CCDC171: variants seen among roughly 807,000 people sequenced by gnomAD.
CCDC171 encodes coiled-coil domain-containing protein 171.
Under a neutral mutation model 168.2 loss-of-function variants are expected in CCDC171, and 177 were observed. The ratio of observed to expected loss-of-function variants is 1.05; its 90% CI spans 0.93 to 1.19. The LOEUF is 1.19. CCDC171 is among the 50% of genes most tolerant of loss of function. CCDC171 has a pLI of 0.00. For missense variants in CCDC171, 1,991 were observed against 1,539.0 expected, an observed-to-expected ratio of 1.29 and a Z score of -4.91; for synonymous variants, 687 against 540.8, an observed-to-expected ratio of 1.27 and a Z score of -3.75.
At chr9:15,622,855 C>T (rs2044612659) in intron 6 of CCDC171, among the ~76,000 whole-genome samples, 1 of 152,014 alleles carries the variant, frequency 6.6e-6, no homozygotes, top group Non-Finnish European at 1.5e-5. Context: ...CTCATGTAAG[C>T]ATTATAAACA....
At chr9:15,800,418 A>C (rs928817219) in intron 21 of CCDC171, among the ~76,000 whole-genome samples, 1 of 152,154 alleles carries the variant, frequency 6.6e-6, no homozygotes, top group Non-Finnish European at 1.5e-5. Context: ...TTCTTTTAAA[A>C]AATGTCAATT....
At chr9:16,042,302 G>T (rs765795780), upstream of CCDC171, among the ~76,000 whole-genome samples, 3 of 152,166 alleles carry the variant, frequency 2.0e-5, no homozygotes, top group Admixed American at 6.5e-5. Context: ...TGGGAATGAG[G>T]CATGAAAGAG....
intron 24 of CCDC171, among the ~76,000 whole-genome samples, chr9:15,894,082 A>G (rs182628814): frequency 6.6e-6 from 1 of 152,336 alleles, no homozygotes; most frequent in African/African-American, 2.4e-5. Context: ...CACACCATGG[A>G]ATACTGTGCA....
At chr9:15,954,622 G>A (rs1829587648) in intron 25 of CCDC171, among the ~76,000 whole-genome samples, 1 of 149,734 alleles carries the variant, frequency 6.7e-6, no homozygotes, top group Admixed American at 6.7e-5. Context: ...TTTTCTTTCT[G>A]TATCTCAGCC....
chr9:15,990,773 A>T (rs549539645), intron 3 of CCDC171, among the ~76,000 whole-genome samples: 7 of 152,356 alleles, frequency 4.6e-5, no homozygotes, highest in Non-Finnish European at 8.8e-5. Context: ...AGGAGTTGCA[A>T]TCCTGGTCTC....
chr9:15,844,162 G>A (rs190895110), intron 21 of CCDC171, among the ~76,000 whole-genome samples: 49 of 152,138 alleles, frequency 3.2e-4, no homozygotes, highest in Admixed American at 2.0e-3. Context: ...GCCTAGAGGC[G>A]CGCCCTCTTG....
At chr9:16,045,640 C>A (rs1833648970) in intron 1 of CCDC171, among the ~76,000 whole-genome samples, 1 of 152,166 alleles carries the variant, frequency 6.6e-6, no homozygotes, top group Non-Finnish European at 1.5e-5. Flanking sequence ...CCATGGTGAG[C>A]CCTGGAGTGT....
chr9:15,916,962 C>T (rs1038030058), intron 24 of CCDC171, among the ~76,000 whole-genome samples: 1 of 151,894 alleles, frequency 6.6e-6, no homozygotes, highest in Non-Finnish European at 1.5e-5. Flanking sequence ...TTCTCAAATC[C>T]TGGACTTGCT....
intron 24 of CCDC171, among the ~76,000 whole-genome samples, chr9:15,894,787 C>A (rs903982330): frequency 6.6e-6 from 1 of 152,116 alleles, no homozygotes; most frequent in East Asian, 1.9e-4. Context: ...TTGAAGACTT[C>A]TCTCATTCCT....
intron 2 of CCDC171, among the ~76,000 whole-genome samples, chr9:15,566,801 AAT>A (rs1332757995): frequency 1.3e-5 from 2 of 152,134 alleles, no homozygotes; most frequent in Non-Finnish European, 2.9e-5. Flanking sequence ...GAAGTTTTAT[AAT>A]TTTAGCTCTT....
At chr9:15,897,881 T>G (rs1821114415) in intron 24 of CCDC171, among the ~76,000 whole-genome samples, 1 of 152,162 alleles carries the variant, frequency 6.6e-6, no homozygotes, top group South Asian at 2.1e-4. Flanking sequence ...TGAGTGAACA[T>G]GGGCTTTGGA....
In CCDC171 at chr9:15,986,247, C is replaced by T. The variant is rs150672150; in HGVS notation, n.369-34342C>T. On this transcript the variant is annotated intron_variant and non_coding_transcript_variant, in intron 3 of 9. Transcript: ENST00000486641. ...GCAAAGAATTGACCAATATGTATTA[C>T]GTTGATTAAACCCTTCTCTGCGATG... Among the ~76,000 whole-genome samples, 68 of 152,282 alleles carry T rather than the reference C, an allele frequency of 4.5e-4. No homozygotes were observed. The East Asian group carries it at 6.0e-3, about 13-fold the overall frequency.
At chr9:15,811,346 T>G (rs2059347821) in intron 21 of CCDC171, among the ~76,000 whole-genome samples, 1 of 152,230 alleles carries the variant, frequency 6.6e-6, no homozygotes, top group African/African-American at 2.4e-5. Flanking sequence ...TTGGAAACAT[T>G]ACACAAATAA....
chr9:15,626,385 T>C (rs1187168161), intron 7 of CCDC171, among the ~76,000 whole-genome samples: 1 of 152,232 alleles, frequency 6.6e-6, no homozygotes, highest in Non-Finnish European at 1.5e-5. Flanking sequence ...CATCCCTGTC[T>C]TGGGCCAGTT....
intron 7 of CCDC171, 60 bp downstream of exon 7, chr9:15,623,473 G>GCGCGCGCGCA (rs1554714866): frequency 2.2e-6 from 1 of 464,174 alleles, no homozygotes. Context: ...ATGCGCGCGC[G>GCGCGCGCGCA]CGCACACACA....
chr9:15,770,171 A>G (rs2056939309), intron 18 of CCDC171, among the ~76,000 whole-genome samples: 1 of 152,202 alleles, frequency 6.6e-6, no homozygotes, highest in African/African-American at 2.4e-5. Context: ...GACTTTTATC[A>G]CTTTTAAATA....
downstream of CCDC171, among the ~76,000 whole-genome samples, chr9:15,974,656 T>C (rs1355609448): frequency 6.6e-6 from 1 of 152,162 alleles, no homozygotes; most frequent in East Asian, 1.9e-4. Context: ...TGACATAATA[T>C]AAAAACAAAG....
At chr9:15,579,065 C>G in intron 4 of CCDC171, 42 bp downstream of exon 4, 1 of 1,508,826 alleles carries the variant, frequency 6.6e-7, no homozygotes, top group African/African-American at 1.4e-5. Context: ...GGGTTGTAAC[C>G]TGATTGTATA....
chr9:15,827,167 A>T (rs2060047581), intron 21 of CCDC171, among the ~76,000 whole-genome samples: 1 of 151,948 alleles, frequency 6.6e-6, no homozygotes. Flanking sequence ...GAGATCTTTC[A>T]ATTTTTATTT....
Sources: gnomAD v4.1 joint callset for allele counts (sites outside exome capture counted in the v4.1 genomes callset) on GRCh38, gnomAD v4.1.1 for gene constraint, MANE v1.5 for transcripts, NCBI Gene and HGNC (gene_info 2026-07-23, HGNC 2026-07-21) for gene names.